CNTNAP2: variants seen among roughly 807,000 people sequenced by gnomAD.
The protein encoded by CNTNAP2 is contactin associated protein 2.
CNTNAP2 carries 98 observed loss-of-function variants against 155.2 expected under a neutral mutation model. The ratio of observed to expected loss-of-function variants is 0.63; its 90% CI spans 0.54 to 0.75. The LOEUF (loss-of-function observed/expected upper bound fraction) is 0.75, where lower values mean the gene tolerates loss of function less well. Ranked by LOEUF, CNTNAP2 falls within the 30% of genes least tolerant of loss-of-function variation. CNTNAP2 has a pLI of 0.00. For missense variants in CNTNAP2, 1,727 were observed against 1,688.1 expected (o/e 1.02, Z -0.40); for synonymous variants, 651 against 631.2 (o/e 1.03, Z -0.47).
At chr7:147,169,890 C>T (rs1343139367) in intron 8 of CNTNAP2, among the ~76,000 whole-genome samples, 12 of 152,120 alleles carry the variant, frequency 7.9e-5, no homozygotes, top group Admixed American at 7.9e-4. Context: ...TTCCCTGGAT[C>T]TTGATGTGCT....
At chr7:148,379,943 T>C (rs1242590872) in intron 21 of CNTNAP2, among the ~76,000 whole-genome samples, 1 of 152,218 alleles carries the variant, frequency 6.6e-6, no homozygotes, top group Non-Finnish European at 1.5e-5. Flanking sequence ...AGCATGCTAA[T>C]GCATCGCAAA....
chr7:147,269,309 C>T (rs1481516815), intron 8 of CNTNAP2, among the ~76,000 whole-genome samples: 1 of 151,968 alleles, frequency 6.6e-6, no homozygotes, highest in Non-Finnish European at 1.5e-5. Context: ...TTTCTAATTG[C>T]AAAAAACAAA....
chr7:147,819,617 A>G (rs1159328109), intron 13 of CNTNAP2, among the ~76,000 whole-genome samples: 3 of 152,212 alleles, frequency 2.0e-5, no homozygotes, highest in African/African-American at 7.2e-5. Context: ...ACAAATGTAT[A>G]CACCTGTGTA....
chr7:147,068,334 A>G (rs1799822820), intron 4 of CNTNAP2, among the ~76,000 whole-genome samples: 1 of 152,132 alleles, frequency 6.6e-6, no homozygotes, highest in Non-Finnish European at 1.5e-5. Context: ...AAACTCCATA[A>G]TAAATTGACT....
intron 13 of CNTNAP2, among the ~76,000 whole-genome samples, chr7:147,836,906 GT>G (rs1465882314): frequency 6.6e-6 from 1 of 152,140 alleles, no homozygotes; most frequent in East Asian, 1.9e-4. Context: ...TTTTAGTAAT[GT>G]CTTAATTTTT....
At chr7:148,337,927 G>A (rs1291138556) in intron 21 of CNTNAP2, among the ~76,000 whole-genome samples, 3 of 152,086 alleles carry the variant, frequency 2.0e-5, no homozygotes, top group African/African-American at 7.2e-5. Context: ...CTTTATTATG[G>A]CTACAGAATG....
At chr7:148,061,996 TAG>T (rs1803160170) in intron 15 of CNTNAP2, among the ~76,000 whole-genome samples, 1 of 119,734 alleles carries the variant, frequency 8.4e-6, no homozygotes, top group Admixed American at 8.5e-5. Context: ...GATAGATAGA[TAG>T]ATAGATAGAT....
At position 148,172,455 on chromosome 7, in the gene CNTNAP2, A is replaced by G; in HGVS notation, c.2987A>G (p.Tyr996Cys). 1.2e-6 allele frequency: 2 copies of G among 1,614,220 alleles called. No individual in the cohort carries two copies. Among genetic ancestry groups the G allele is most frequent in the Non-Finnish European group, 1.7e-6 (2 of 1,180,026 alleles). The change falls in exon 18 of 24, where the codon TAT becomes TGT. Residue 996 changes from tyrosine (Y) to cysteine (C), a missense_variant. Transcript: ENST00000361727. ...TCCTGCGATTGCTCTAATACTGCAT[A>G]TGATGGAACATTTTGCAACAAAGGT... ...GYSCDCSNTAYDGTFCNKDVG... is the reference protein window; with the variant it reads ...GYSCDCSNTACDGTFCNKDVG...
At chr7:147,284,830 C>A (rs1180789838) in intron 8 of CNTNAP2, among the ~76,000 whole-genome samples, 2 of 151,734 alleles carry the variant, frequency 1.3e-5, no homozygotes, top group African/African-American at 4.8e-5. Flanking sequence ...TAATGAATAC[C>A]TTGAGAGGTA....
At chr7:146,402,135 C>A (rs28512358) in intron 1 of CNTNAP2, among the ~76,000 whole-genome samples, 12,712 of 152,110 alleles carry the variant, frequency 0.084, 1,576 homozygotes, top group African/African-American at 0.27. Flanking sequence ...ATTTACATTG[C>A]GCAACTGTAC....
rs1372228334 is a variant in CNTNAP2, at chr7:146,968,293, T to C, written c.403-75614T>C. Reference sequence around the variant, plus strand: ...TCTCTTTTTTTGTTGTGTCTCTGCCTGGCTTTGGTATCAGGATAATGCTGG... The same window carrying C: ...TCTCTTTTTTTGTTGTGTCTCTGCCCGGCTTTGGTATCAGGATAATGCTGG... On this transcript the variant is annotated intron_variant, in intron 3 of 23. Coordinates refer to ENST00000361727, the MANE Select transcript of CNTNAP2 (RefSeq NM_014141.6). Among the ~76,000 whole-genome samples, 8 of 152,194 alleles carry C rather than the reference T, an allele frequency of 5.3e-5. No homozygotes were observed. The East Asian group carries it at 9.7e-4, about 18-fold the overall frequency.
rs371036021 is a variant in CNTNAP2, at chr7:146,744,727, G to T, written c.98-29544G>T. ...GTGAATATTTTCAAATTCAGTGGTGGTAAATGTTTCTAGAGGAACACAGCT... is the reference window on the plus strand; with the variant it reads ...GTGAATATTTTCAAATTCAGTGGTGTTAAATGTTTCTAGAGGAACACAGCT... On this transcript the variant is annotated intron_variant, in intron 1 of 23. Transcript: ENST00000361727. Among the ~76,000 whole-genome samples the T allele has an allele frequency of 3.9e-5, 6 of 152,096 alleles. No homozygotes were observed. The South Asian group carries it at 1.2e-3, about 32-fold the overall frequency.
intron 20 of CNTNAP2, among the ~76,000 whole-genome samples, chr7:148,261,063 C>G (rs995447347): frequency 6.6e-6 from 1 of 152,204 alleles, no homozygotes; most frequent in Non-Finnish European, 1.5e-5. Flanking sequence ...GAAGAATGTT[C>G]TTTTCTTCCT....
intron 1 of CNTNAP2, among the ~76,000 whole-genome samples, chr7:146,445,978 G>A (rs925827717): frequency 6.6e-6 from 1 of 152,088 alleles, no homozygotes; most frequent in African/African-American, 2.4e-5. Context: ...ATTAATCTTG[G>A]TAAAGTGACT....
rs540840179 is a variant in CNTNAP2 at position 147,991,293 on chromosome 7, C to T, written c.2383+13304C>T. Among the ~76,000 whole-genome samples the T allele has an allele frequency of 2.4e-4, 36 of 152,270 alleles. No individual in the cohort carries two copies. In the South Asian group the frequency reaches 7.1e-3, roughly 30 times the overall value. ...ACATTGAGGCACTCAGACATGTGTT[C>T]ATTAAATTAATATGAATGGTTAAAT... On this transcript the variant is annotated intron_variant, in intron 15 of 23. Transcript: ENST00000361727.
intron 8 of CNTNAP2, among the ~76,000 whole-genome samples, chr7:147,221,504 C>T (rs1241535678): frequency 6.6e-6 from 1 of 152,138 alleles, no homozygotes. Flanking sequence ...TCTGCTGTCT[C>T]AGGTGCCCAA....
chr7:146,682,226 C>T (rs930820918), intron 1 of CNTNAP2, among the ~76,000 whole-genome samples: 8 of 151,860 alleles, frequency 5.3e-5, no homozygotes, highest in African/African-American at 9.7e-5. Context: ...TATGTATATA[C>T]GTATGTATAT....
In CNTNAP2 at chr7:146,711,136, A is replaced by G. The variant is rs971575882; in HGVS notation, c.98-63135A>G. 2.6e-5 allele frequency among the ~76,000 whole-genome samples: 4 copies of G among 151,154 alleles called. No homozygotes were observed. In the South Asian group the frequency reaches 8.3e-4, roughly 31 times the overall value. On this transcript the variant is annotated intron_variant, in intron 1 of 23. Coordinates refer to ENST00000361727, the MANE Select transcript of CNTNAP2 (RefSeq NM_014141.6). The stretch of plus-strand genomic sequence containing the variant: ...CACACACACAGACACACACACACAT[A>G]TATGTGTGTATATACAGGAGAAAAT...
intron 15 of CNTNAP2, among the ~76,000 whole-genome samples, chr7:148,111,803 G>A (rs376644229): frequency 5.3e-5 from 8 of 152,302 alleles, no homozygotes; most frequent in Middle Eastern, 3.4e-3. Context: ...AATTAAGTGC[G>A]AAAGTAGAAT....
Sources: gnomAD v4.1 joint callset for allele counts (sites outside exome capture counted in the v4.1 genomes callset) on GRCh38, gnomAD v4.1.1 for gene constraint, MANE v1.5 for transcripts, NCBI Gene and HGNC (gene_info 2026-07-23, HGNC 2026-07-21) for gene names.